Variants in MAD1L1 observed in about 807,000 individuals in gnomAD.
The protein encoded by MAD1L1 is mitotic arrest deficient 1 like 1.
A neutral mutation model predicts 96.9 loss-of-function variants in MAD1L1; 95 were observed. That is an observed-to-expected ratio of 0.98 (90% CI 0.83 to 1.16). The LOEUF (loss-of-function observed/expected upper bound fraction) is 1.16, where lower values mean the gene tolerates loss of function less well. MAD1L1 is among the 50% of genes most tolerant of loss of function. MAD1L1 has a pLI of 0.00. For missense variants in MAD1L1, 1,007 were observed against 954.4 expected (o/e 1.06, Z -0.73); for synonymous variants, 473 against 396.6 (o/e 1.19, Z -2.29).
At chr7:1,929,825 G>A (rs1393863869) in intron 17 of MAD1L1, among the ~76,000 whole-genome samples, 91 of 372 alleles carry the variant, frequency 0.24, 11 homozygotes, top group African/African-American at 0.48. Context: ...CACGTCCCCT[G>A]CCCCGTCCCC....
intron 16 of MAD1L1, among the ~76,000 whole-genome samples, chr7:1,955,157 C>T (rs1562559250): frequency 1.3e-5 from 2 of 152,248 alleles, no homozygotes; most frequent in East Asian, 1.9e-4. Flanking sequence ...ACTAGTCAAG[C>T]CCCTCTCCAA....
chr7:2,052,270 C>T (rs1158746457), intron 12 of MAD1L1, among the ~76,000 whole-genome samples: 2 of 152,234 alleles, frequency 1.3e-5, no homozygotes. Context: ...GCTTCCCTGG[C>T]CCCTTCATGT....
intron 14 of MAD1L1, among the ~76,000 whole-genome samples, chr7:1,984,524 G>C (rs1003643085): frequency 2.0e-5 from 3 of 152,188 alleles, no homozygotes; most frequent in Non-Finnish European, 2.9e-5. Context: ...ATTTCGCCTT[G>C]AATCTTTCCT....
chr7:2,130,995 C>T (rs1270848934), intron 11 of MAD1L1, among the ~76,000 whole-genome samples: 3 of 152,338 alleles, frequency 2.0e-5, no homozygotes, highest in East Asian at 1.9e-4. Flanking sequence ...TTCCACGCTT[C>T]GGAACACTGA....
chr7:1,964,941 GT>G (rs1411118983), intron 15 of MAD1L1, among the ~76,000 whole-genome samples: 1 of 152,242 alleles, frequency 6.6e-6, no homozygotes, highest in Admixed American at 6.5e-5. Flanking sequence ...ACAGCATCCA[GT>G]CCAGGAAGCC....
At chr7:2,008,223 A>G (rs1192231374) in intron 13 of MAD1L1, among the ~76,000 whole-genome samples, 2 of 152,186 alleles carry the variant, frequency 1.3e-5, no homozygotes, top group South Asian at 4.2e-4. Flanking sequence ...CCGTGTGTGC[A>G]CTGGAGAGCA....
chr7:2,067,553 C>T (rs886111052), intron 12 of MAD1L1, among the ~76,000 whole-genome samples: 3 of 152,296 alleles, frequency 2.0e-5, no homozygotes, highest in South Asian at 2.1e-4. Flanking sequence ...CTCTCCTCGG[C>T]GGCAGGGTCG....
chr7:1,871,198 C>G (rs1255130644), intron 18 of MAD1L1, among the ~76,000 whole-genome samples: 11 of 144,002 alleles, frequency 7.6e-5, no homozygotes, highest in Admixed American at 6.9e-4. Flanking sequence ...GCCTGCCATG[C>G]TGAACCCACC....
At chr7:2,153,250 G>C (rs1211834719) in intron 10 of MAD1L1, among the ~76,000 whole-genome samples, 1 of 152,146 alleles carries the variant, frequency 6.6e-6, no homozygotes, top group African/African-American at 2.4e-5. Flanking sequence ...TGAAGAGACA[G>C]CCTCTTGAAT....
At chr7:1,987,638 G>A (rs548735695) in intron 14 of MAD1L1, among the ~76,000 whole-genome samples, 16 of 152,350 alleles carry the variant, frequency 1.1e-4, no homozygotes, top group Non-Finnish European at 2.2e-4. Context: ...GGCACCAACT[G>A]CAGTGCCCTC....
chr7:2,145,038 A>G (rs3800923), intron 11 of MAD1L1, among the ~76,000 whole-genome samples: 63,900 of 151,862 alleles, frequency 0.42, 13,717 homozygotes, highest in East Asian at 0.52. Flanking sequence ...CAATGCACTC[A>G]AGCACCCCAC....
intron 11 of MAD1L1, among the ~76,000 whole-genome samples, chr7:2,134,175 T>C (rs923145483): frequency 1.3e-5 from 2 of 152,246 alleles, no homozygotes; most frequent in Admixed American, 1.3e-4. Context: ...TTTACGGCTT[T>C]GATTTCTTTC....
chr7:1,930,627 C>T (rs1434348045), intron 17 of MAD1L1, among the ~76,000 whole-genome samples: 1 of 149,688 alleles, frequency 6.7e-6, no homozygotes, highest in African/African-American at 2.5e-5. Flanking sequence ...TTCGTCCCAC[C>T]GTCACATCCC....
At chr7:2,025,408 G>C (rs1373511909) in intron 12 of MAD1L1, among the ~76,000 whole-genome samples, 2 of 152,220 alleles carry the variant, frequency 1.3e-5, no homozygotes, top group East Asian at 3.8e-4. Flanking sequence ...TTGTAGGCTG[G>C]TGGATAGGAC....
At chr7:2,190,084 T>TA (rs1298542904) in intron 10 of MAD1L1, among the ~76,000 whole-genome samples, 1 of 151,876 alleles carries the variant, frequency 6.6e-6, no homozygotes, top group Non-Finnish European at 1.5e-5. Flanking sequence ...TATCTGAAAA[T>TA]AAAAAAACTA....
At chr7:2,030,051 T>A in intron 12 of MAD1L1, among the ~76,000 whole-genome samples, 1 of 152,150 alleles carries the variant, frequency 6.6e-6, no homozygotes, top group East Asian at 1.9e-4. Flanking sequence ...CTCACCACAT[T>A]CAGGGAGCAG....
intron 14 of MAD1L1, among the ~76,000 whole-genome samples, chr7:1,997,000 A>G (rs1026803664): frequency 6.6e-6 from 1 of 152,224 alleles, no homozygotes; most frequent in Non-Finnish European, 1.5e-5. Flanking sequence ...CTGCGGGCCT[A>G]GCTAATTAGG....
At chr7:1,819,069 G>T (rs1444742890) in intron 18 of MAD1L1, among the ~76,000 whole-genome samples, 2 of 152,114 alleles carry the variant, frequency 1.3e-5, no homozygotes, top group African/African-American at 4.8e-5. Flanking sequence ...GGCATTAGCA[G>T]GACCTGCTGA....
chr7:2,187,840 C>G (rs1320717755), intron 10 of MAD1L1, among the ~76,000 whole-genome samples: 1 of 152,200 alleles, frequency 6.6e-6, no homozygotes, highest in Non-Finnish European at 1.5e-5. Flanking sequence ...GCTTGAGCAT[C>G]TGGTAGACAT....
Sources: allele counts gnomAD v4.1 joint callset (sites outside exome capture counted in the v4.1 genomes callset), GRCh38; gene constraint gnomAD v4.1.1; transcripts MANE v1.5; gene names NCBI Gene and HGNC (gene_info 2026-07-23, HGNC 2026-07-21).